The following SLCO4A1 variants were observed in gnomAD, a reference collection of about 807,000 sequenced individuals.
The protein encoded by SLCO4A1 is colon organic anion transporter.
SLCO4A1 carries 51 observed loss-of-function variants against 64.6 expected under a neutral mutation model. The observed-to-expected ratio is 0.79, with a 90% CI of 0.63 to 1.00. The LOEUF is 1.00. Ranked by LOEUF, SLCO4A1 falls within the 50% of genes least tolerant of loss-of-function variation. SLCO4A1 has a pLI of 0.00. For synonymous variants in SLCO4A1, 471 were observed against 444.9 expected (o/e 1.06, Z -0.74); for missense variants, 919 against 980.5 (o/e 0.94, Z 0.84).
chr20:62,669,376 T>C (rs1204483353), intron 11 of SLCO4A1, among the ~76,000 whole-genome samples: 1 of 152,250 alleles, frequency 6.6e-6, no homozygotes, highest in Non-Finnish European at 1.5e-5. Context: ...AGTGTGGTCT[T>C]GCACGTACCC....
intron 1 of SLCO4A1, among the ~76,000 whole-genome samples, chr20:62,648,232 A>G (rs1981753638): frequency 6.6e-6 from 1 of 152,224 alleles, no homozygotes; most frequent in African/African-American, 2.4e-5. Context: ...GCTCCCAGGG[A>G]AAGGGCAGCT....
chr20:62,671,639 C>A lies in SLCO4A1; in HGVS notation c.2026-111C>A. 6 of 973,876 alleles carry A rather than the reference C, an allele frequency of 6.2e-6. No homozygotes were observed. In the South Asian group the frequency reaches 9.3e-5, roughly 15 times the overall value. The allele number at this position is 973,876 out of a possible 1,614,324, so 60.3% of individuals were successfully genotyped here. ...CAGAGCAGGATGGGTTTCCGTGGAC[C>A]TGGTGAGGGTGCTGCAGGCTGGGGC... On this transcript the variant is annotated intron_variant, in intron 11 of 11. Coordinates refer to ENST00000217159, the MANE Select transcript of SLCO4A1 (RefSeq NM_016354.4).
intron 11 of SLCO4A1, 90 bp from the exon 12 acceptor site, chr20:62,671,660 G>A: frequency 8.0e-7 from 1 of 1,244,646 alleles, no homozygotes; most frequent in Non-Finnish European, 1.1e-6. Context: ...GCTGCAGGCT[G>A]GGGCAGGGAC....
At chr20:62,682,517 C>T (rs1209764658) in intron 2 of SLCO4A1, among the ~76,000 whole-genome samples, 2 of 152,150 alleles carry the variant, frequency 1.3e-5, no homozygotes, top group Admixed American at 6.5e-5. Flanking sequence ...ATGGAGACCA[C>T]GGAGGGGACT....
rs113273141 is a variant in SLCO4A1 at position 62,664,831 on chromosome 20, G to A, written c.1122-103G>A. The A allele has an allele frequency of 2.9e-3, 3,696 of 1,271,462 alleles. 88 individuals are homozygous for A. In the African/African-American group the frequency reaches 0.048, roughly 16 times the overall value. 78.8% of individuals were successfully genotyped at this position (1,271,462 alleles called of 1,614,324 possible). A position where few individuals can be genotyped will look rare whatever the true frequency, so the allele number is the denominator to read the frequency against. ...ACCCTCAGTCTCTTCTCCACACCCC[G>A]ACCTCTGCCCACCACTCTGACCCTC... On this transcript the variant is annotated intron_variant, in intron 5 of 11. Transcript: ENST00000217159.
chr20:62,653,710 G>A (rs1196945754), intron 1 of SLCO4A1, among the ~76,000 whole-genome samples: 2 of 152,202 alleles, frequency 1.3e-5, no homozygotes, highest in South Asian at 2.1e-4. Context: ...CCAAATTCGG[G>A]GGCATATGTG....
chr20:62,658,826 G>T, intron 3 of SLCO4A1, 59 bp downstream of exon 3: 1 of 1,418,872 alleles, frequency 7.0e-7, no homozygotes, highest in African/African-American at 1.4e-5. Context: ...TCTGGAAGGG[G>T]GTTCAGAGTC....
At chr20:62,674,646 G>A (rs376727388), downstream of SLCO4A1, among the ~76,000 whole-genome samples, 27 of 152,350 alleles carry the variant, frequency 1.8e-4, no homozygotes, top group East Asian at 4.6e-3. Flanking sequence ...AATGGGCAGA[G>A]GCAGGGGCTG....
At position 62,685,601 on chromosome 20, in the gene SLCO4A1, TCTC is replaced by T; in HGVS notation, n.375_377del. 3.8e-6 allele frequency: 1 copy of T among 265,294 alleles called. No individual in the cohort carries two copies. The highest frequency in any genetic ancestry group is 5.8e-6 in the Non-Finnish European group (1 of 171,684). 16.4% of individuals were successfully genotyped at this position (265,294 alleles called of 1,614,324 possible). ...TCTCTAGAGGGTGGACTGCCTGTGT[TCTC>T]CTGGGAGAGAATGCATTTGCTTCCG... On this transcript the variant is annotated non_coding_transcript_exon_variant, in exon 3 of 3. Transcript: ENST00000466818. This position sits in a 1 kb window ranked among gnomAD's most constrained non-coding sequence, Gnocchi z 4.6.
intron 1 of SLCO4A1, chr20:62,650,733 G>A (rs1381895538): frequency 6.6e-6 from 1 of 152,318 alleles, no homozygotes; most frequent in East Asian, 1.9e-4. Context: ...CACCAAGCAT[G>A]CGTCTGGCTG....
intron 4 of SLCO4A1, among the ~76,000 whole-genome samples, chr20:62,660,804 G>T (rs1984643025): frequency 6.6e-6 from 1 of 152,188 alleles, no homozygotes; most frequent in Non-Finnish European, 1.5e-5. Flanking sequence ...CCCAATCAGG[G>T]CAGGGCCTCC....
At chr20:62,678,359 T>C (rs1244966300) in intron 2 of SLCO4A1, among the ~76,000 whole-genome samples, 2 of 152,106 alleles carry the variant, frequency 1.3e-5, no homozygotes, top group African/African-American at 4.8e-5. Flanking sequence ...GCTGGAACAC[T>C]CACCCGTCGC....
downstream of SLCO4A1, among the ~76,000 whole-genome samples, chr20:62,674,786 G>A (rs1044527475): frequency 2.6e-5 from 4 of 152,164 alleles, no homozygotes; most frequent in Admixed American, 2.6e-4. Context: ...GATGGGATTC[G>A]TAGCCCTGTA....
Position 62,666,561 on chromosome 20 carries a change from C to T in SLCO4A1, c.1458C>T (p.Ala486=), listed in dbSNP as rs1326091245. The change falls in exon 7 of 12, where the codon GCC becomes GCT. Residue 486 remains alanine, a synonymous_variant. Coordinates refer to ENST00000217159, the MANE Select transcript of SLCO4A1 (RefSeq NM_016354.4). Reference sequence around the variant, plus strand: ...GTGTGCCCATGGCGGGCGTCACAGCCAGCTACGGCGGGAGGTGAGGGCCAG... The same window carrying T: ...GTGTGCCCATGGCGGGCGTCACAGCTAGCTACGGCGGGAGGTGAGGGCCAG... ...CPSVPMAGVT[A]SYGGSLLPEG... is the part of the protein sequence containing the mutation. 23 of 1,612,388 alleles carry T rather than the reference C, an allele frequency of 1.4e-5. No homozygotes were observed. Among genetic ancestry groups the T allele is most frequent in the Non-Finnish European group, 1.9e-5 (22 of 1,179,906 alleles).
chr20:62,668,609 G>T, intron 10 of SLCO4A1, 68 bp downstream of exon 10: 1 of 1,412,902 alleles, frequency 7.1e-7, no homozygotes. Flanking sequence ...GCATGGGCAA[G>T]TGTCTAACCA....
chr20:62,688,361 C>T (rs1297017271), downstream of SLCO4A1, among the ~76,000 whole-genome samples: 1 of 152,146 alleles, frequency 6.6e-6, no homozygotes, highest in Non-Finnish European at 1.5e-5. Flanking sequence ...CCCATGCACC[C>T]CCCAGCCCTG....
At chr20:62,673,355 C>T (rs890350922), downstream of SLCO4A1, among the ~76,000 whole-genome samples, 2 of 143,380 alleles carry the variant, frequency 1.4e-5, 1 homozygote, top group Non-Finnish European at 3.2e-5. Context: ...CCAGGTCCCA[C>T]CTTTGCCATG....
chr20:62,680,067 C>T (rs906087540), intron 2 of SLCO4A1, among the ~76,000 whole-genome samples: 11 of 152,146 alleles, frequency 7.2e-5, no homozygotes, highest in Admixed American at 2.0e-4. Context: ...GAGATTTGGG[C>T]TGATGGGGTG....
In SLCO4A1 at chr20:62,666,461, C is replaced by T. The variant is rs750472332; in HGVS notation, c.1358C>T (p.Ala453Val). The T allele has an allele frequency of 9.9e-6, 16 of 1,613,448 alleles. No homozygotes were observed. Among genetic ancestry groups the T allele is most frequent in the Non-Finnish European group, 1.1e-5 (13 of 1,179,962 alleles). The change falls in exon 7 of 12, where the codon GCG becomes GTG. Residue 453 changes from alanine (A) to valine (V), a missense_variant. Physicochemically the swap from Ala to Val is moderately conservative, Grantham distance 64. Transcript: ENST00000217159. Reference sequence around the variant, plus strand: ...AACAAGCTCAGGCTCCGGGGCTCCGCGGTCATCAAGTTCTGCCTGTTCTGC... The same window carrying T: ...AACAAGCTCAGGCTCCGGGGCTCCGTGGTCATCAAGTTCTGCCTGTTCTGC... ...FVNKLRLRGS[A>V]VIKFCLFCTV...
Sources: allele counts gnomAD v4.1 joint callset (sites outside exome capture counted in the v4.1 genomes callset), GRCh38; gene constraint gnomAD v4.1.1; non-coding constraint Gnocchi (gnomAD v3.1); transcripts MANE v1.5; gene names NCBI Gene and HGNC (gene_info 2026-07-23, HGNC 2026-07-21).